Variants in PLCB4 observed in about 807,000 individuals in gnomAD.
PLCB4 encodes the protein 1-phosphatidylinositol 4,5-bisphosphate phosphodiesterase beta-4.
A neutral mutation model predicts 178.8 loss-of-function variants in PLCB4; 77 were observed. The observed-to-expected ratio is 0.43, with a 90% CI of 0.36 to 0.52. The LOEUF is 0.52. Among genes scored for constraint, PLCB4 ranks in the 20% least tolerant of loss-of-function variants. The pLI is 0.00. For synonymous variants in PLCB4, 496 were observed against 490.8 expected, an observed-to-expected ratio of 1.01 and a Z score of -0.14; for missense variants, 1,024 against 1,453.4, an observed-to-expected ratio of 0.70 and a Z score of 4.80.
At chr20:9,232,455 A>G (rs903053854) in intron 3 of PLCB4, among the ~76,000 whole-genome samples, 1 of 152,134 alleles carries the variant, frequency 6.6e-6, no homozygotes, top group Non-Finnish European at 1.5e-5. Flanking sequence ...TAAATTGTCT[A>G]TTGTTGAAAA....
chr20:9,072,750 G>T (rs1313890382), intron 1 of PLCB4, among the ~76,000 whole-genome samples: 1 of 152,084 alleles, frequency 6.6e-6, no homozygotes, highest in Non-Finnish European at 1.5e-5. Context: ...AGTTTCTAGA[G>T]GAGATGAAAG....
At chr20:9,083,102 C>T (rs1301748265) in intron 1 of PLCB4, among the ~76,000 whole-genome samples, 1 of 152,130 alleles carries the variant, frequency 6.6e-6, no homozygotes, top group African/African-American at 2.4e-5. Flanking sequence ...TAATATTGAA[C>T]CAAAGTGCTT....
chr20:9,177,680 C>T (rs919889390), intron 2 of PLCB4, among the ~76,000 whole-genome samples: 1 of 152,126 alleles, frequency 6.6e-6, no homozygotes, highest in Non-Finnish European at 1.5e-5. Flanking sequence ...TATGCAAAGA[C>T]GTTTTGATTT....
chr20:9,376,029 T>G (rs971794469), intron 12 of PLCB4, among the ~76,000 whole-genome samples: 1 of 152,042 alleles, frequency 6.6e-6, no homozygotes, highest in Non-Finnish European at 1.5e-5. Flanking sequence ...GAGGAGAGAC[T>G]ATATATATAG....
intron 28 of PLCB4, among the ~76,000 whole-genome samples, chr20:9,432,618 T>A (rs2041501055): frequency 6.6e-6 from 1 of 152,176 alleles, no homozygotes; most frequent in Admixed American, 6.5e-5. Context: ...TGTGGACAAG[T>A]GGCAAGAAGA....
At chr20:9,477,080 A>G (rs558559474) in intron 39 of PLCB4, among the ~76,000 whole-genome samples, 12 of 152,220 alleles carry the variant, frequency 7.9e-5, no homozygotes, top group Non-Finnish European at 1.3e-4. Flanking sequence ...AGGGTCACAG[A>G]GTCAGGTCAC....
chr20:9,127,558 CT>C (rs1003799940), intron 2 of PLCB4, among the ~76,000 whole-genome samples: 2 of 152,002 alleles, frequency 1.3e-5, no homozygotes, highest in African/African-American at 4.8e-5. Context: ...TGAGGTAGGT[CT>C]TTGAGTGGGT....
At chr20:9,282,749 T>G (rs545871980) in intron 3 of PLCB4, among the ~76,000 whole-genome samples, 1 of 142,218 alleles carries the variant, frequency 7.0e-6, no homozygotes, top group Admixed American at 6.7e-5. Context: ...GTTGAGTGGT[T>G]TTTCTGGCCA....
chr20:9,125,551 T>A (rs889572100), intron 2 of PLCB4, among the ~76,000 whole-genome samples: 2 of 152,176 alleles, frequency 1.3e-5, no homozygotes, highest in African/African-American at 4.8e-5. Flanking sequence ...TACTAGACAA[T>A]CAAATATAAG....
chr20:9,210,414 A>T (rs1477383087), intron 2 of PLCB4, among the ~76,000 whole-genome samples: 1 of 152,172 alleles, frequency 6.6e-6, no homozygotes, highest in East Asian at 1.9e-4. Flanking sequence ...TTCCATGCTT[A>T]TACATGTTGC....
Position 9,459,750 on chromosome 20 carries a change from A to C in PLCB4, c.3188A>C (p.Lys1063Thr), listed in dbSNP as rs775362077. 6.2e-7 allele frequency: 1 copy of C among 1,613,294 alleles called. No individual in the cohort carries two copies. Among genetic ancestry groups the C allele is most frequent in the Non-Finnish European group, 8.5e-7 (1 of 1,179,368 alleles). ...LHLSQQCELL[K>T]KLLINAHEQQ... ...CTCAGCCAGCAGTGTGAGCTGCTGA[A>C]AAAGCTACTCATCAATGCCCACGAG... is the stretch of plus-strand genomic sequence containing the variant. The change falls in exon 35 of 40, where the codon AAA becomes ACA. Residue 1063 changes from lysine to threonine, a missense_variant. Transcript: ENST00000378473.
rs1318110100 is a variant in PLCB4 at position 9,312,312 on chromosome 20, G to A, written c.84+4414G>A. 2.1e-5 allele frequency among the ~76,000 whole-genome samples: 3 copies of A among 145,882 alleles called. No homozygotes were observed. In the East Asian group the frequency reaches 6.3e-4, roughly 31 times the overall value. ...GAGTCCCTTTTCCTAGCAAAGTCTT[G>A]GTCTTCTTGGTCTTTATACTAGCCT... On this transcript the variant is annotated intron_variant, in intron 4 of 39. Coordinates refer to ENST00000378473, the MANE Select transcript of PLCB4 (RefSeq NM_001377142.1).
At chr20:9,382,174 A>T (rs919430038) in intron 13 of PLCB4, among the ~76,000 whole-genome samples, 15 of 152,232 alleles carry the variant, frequency 9.9e-5, no homozygotes, top group African/African-American at 3.6e-4. Context: ...TCATTCTTTC[A>T]CATCATGTCT....
At chr20:9,105,917 A>C (rs2091345783) in intron 2 of PLCB4, among the ~76,000 whole-genome samples, 1 of 152,072 alleles carries the variant, frequency 6.6e-6, no homozygotes, top group Non-Finnish European at 1.5e-5. Context: ...CTCTAACTAG[A>C]AACCATGAAG....
Position 9,437,107 on chromosome 20 carries a change from C to A in PLCB4, c.2719C>A (p.Pro907Thr). The change falls in exon 30 of 40, where the codon CCA (proline) becomes ACA (threonine). Residue 907 changes from proline to threonine, a missense_variant. Physicochemically the swap from Pro to Thr is conservative, Grantham distance 38 (BLOSUM62 -1). Coordinates refer to ENST00000378473, the MANE Select transcript of PLCB4 (RefSeq NM_001377142.1). The stretch of plus-strand genomic sequence containing the variant: ...CCCTCAGAGTAGCTCTGAGCTCAGA[C>A]CAACCACCACGGCTGCCCTGGCCTC... Reference protein sequence around the residue: ...VTPQSSSELRPTTTAALASGV... With the variant: ...VTPQSSSELRTTTTAALASGV... 6.2e-7 allele frequency: 1 copy of A among 1,614,084 alleles called. No individual in the cohort carries two copies. Among genetic ancestry groups the A allele is most frequent in the Non-Finnish European group, 8.5e-7 (1 of 1,179,970 alleles).
intron 4 of PLCB4, among the ~76,000 whole-genome samples, chr20:9,317,611 A>G (rs760847): frequency 0.35 from 53,820 of 152,112 alleles, 13,623 homozygotes; most frequent in African/African-American, 0.72. Context: ...TTCATGGAAA[A>G]ATGTGAGATG....
intron 2 of PLCB4, among the ~76,000 whole-genome samples, chr20:9,099,808 C>T (rs2091070483): frequency 6.6e-6 from 1 of 152,100 alleles, no homozygotes; most frequent in Non-Finnish European, 1.5e-5. Flanking sequence ...CCATAATCTT[C>T]CAGCTCCCCT....
chr20:9,270,108 C>T (rs2147611778), intron 3 of PLCB4, among the ~76,000 whole-genome samples: 1 of 152,150 alleles, frequency 6.6e-6, no homozygotes, highest in African/African-American at 2.4e-5. Context: ...CTTTTGTATT[C>T]AAGAGAAACT....
intron 4 of PLCB4, among the ~76,000 whole-genome samples, chr20:9,333,239 A>G (rs2087007745): frequency 6.6e-6 from 1 of 152,154 alleles, no homozygotes. Flanking sequence ...AAAGGTAAAC[A>G]AGACTGCTTC....
Sources: allele counts gnomAD v4.1 joint callset (sites outside exome capture counted in the v4.1 genomes callset), GRCh38; gene constraint gnomAD v4.1.1; transcripts MANE v1.5; gene names NCBI Gene and HGNC (gene_info 2026-07-23, HGNC 2026-07-21).